TNS3: variants seen among roughly 807,000 people sequenced by gnomAD.
TNS3 encodes tensin 3, also known as tensin-3.
Under a neutral mutation model 140.9 loss-of-function variants are expected in TNS3, and 45 were observed. The ratio of observed to expected loss-of-function variants is 0.32; its 90% CI spans 0.25 to 0.41. The LOEUF is 0.41. Among genes scored for constraint, TNS3 ranks in the 10% least tolerant of loss-of-function variants. The pLI, the probability that TNS3 is intolerant of heterozygous loss-of-function variation, is 1.00. For missense variants in TNS3, 1,716 were observed against 1,906.7 expected, an observed-to-expected ratio of 0.90 and a Z score of 1.86; for synonymous variants, 815 against 788.4, an observed-to-expected ratio of 1.03 and a Z score of -0.56.
intron 20 of TNS3, among the ~76,000 whole-genome samples, chr7:47,311,310 C>T (rs901431002): frequency 1.8e-4 from 27 of 151,966 alleles, no homozygotes; most frequent in African/African-American, 5.8e-4. Context: ...ATGTAAATGA[C>T]GAGTTAATGG....
chr7:47,451,488 G>A (rs1312268885), intron 4 of TNS3, among the ~76,000 whole-genome samples: 1 of 152,126 alleles, frequency 6.6e-6, no homozygotes, highest in African/African-American at 2.4e-5. Context: ...GGCTAAGGCA[G>A]GAAAATCGCT....
At chr7:47,509,711 C>A (rs1198293374) in intron 2 of TNS3, among the ~76,000 whole-genome samples, 2 of 152,082 alleles carry the variant, frequency 1.3e-5, no homozygotes, top group African/African-American at 2.4e-5. Context: ...GCCTGCCCTA[C>A]CCCTGCCTGC....
chr7:47,323,351 G>A (rs140441170), intron 20 of TNS3, among the ~76,000 whole-genome samples: 2 of 152,314 alleles, frequency 1.3e-5, no homozygotes, highest in African/African-American at 4.8e-5. Flanking sequence ...ACTGTCAACT[G>A]TGAATTCTAT....
chr7:47,400,808 T>G lies in TNS3; in HGVS notation c.830A>C (p.Glu277Ala). ...ACCTTTGCTGGCATTGTCCAGATCC[T>G]CCTTCCCAAACACCAGCCCGTAGCC... ...VQGYGLVFGK[E>A]DLDNASKDDR... is the part of the protein sequence containing the mutation. Residue 277 changes from glutamate to alanine, a missense_variant, in exon 14 of 31, where the codon GAG becomes GCG. Physicochemically the swap from Glu to Ala is moderately radical, Grantham distance 107 (BLOSUM62 -1). Around this residue, in one of 3 missense-constraint regions of TNS3, gnomAD observed 337 missense variants for 428.9 expected, o/e 0.79. Coordinates refer to ENST00000311160, the MANE Select transcript of TNS3 (RefSeq NM_022748.12). 6.2e-7 allele frequency: 1 copy of G among 1,614,204 alleles called. No individual in the cohort carries two copies. Among genetic ancestry groups the G allele is most frequent in the East Asian group, 2.2e-5 (1 of 44,878 alleles).
intron 20 of TNS3, among the ~76,000 whole-genome samples, chr7:47,329,577 A>G (rs1435588378): frequency 6.6e-6 from 1 of 152,214 alleles, no homozygotes; most frequent in African/African-American, 2.4e-5. Context: ...CCTTCCTCCC[A>G]AAGGTCTGAG....
At chr7:47,486,032 G>A (rs929478281) in intron 3 of TNS3, among the ~76,000 whole-genome samples, 15 of 151,686 alleles carry the variant, frequency 9.9e-5, no homozygotes, top group African/African-American at 3.6e-4. Flanking sequence ...GTGTGGGGGT[G>A]AGTGCAGGTG....
chr7:47,458,668 C>T (rs1439878226), intron 4 of TNS3, among the ~76,000 whole-genome samples: 2 of 152,172 alleles, frequency 1.3e-5, no homozygotes, highest in Non-Finnish European at 1.5e-5. Context: ...ACAAGCAGTC[C>T]CCCCATCCCT....
intron 2 of TNS3, among the ~76,000 whole-genome samples, chr7:47,511,607 C>A (rs1412170074): frequency 6.6e-6 from 1 of 151,804 alleles, no homozygotes; most frequent in Non-Finnish European, 1.5e-5. Flanking sequence ...AGACCCGCAG[C>A]GCGAGGGCAA....
chr7:47,582,400 G>A (rs1465233909), upstream of TNS3: 1 of 456,314 alleles, frequency 2.2e-6, no homozygotes, highest in Non-Finnish European at 4.4e-6. Context: ...GAGGCTTGCA[G>A]GTTCCGCCGG....
chr7:47,308,225 C>T (rs922666334), intron 20 of TNS3, among the ~76,000 whole-genome samples: 7 of 152,106 alleles, frequency 4.6e-5, no homozygotes, highest in African/African-American at 1.7e-4. Context: ...CATTGAATTG[C>T]TTTTGTAATT....
chr7:47,309,570 T>C (rs185422700), intron 20 of TNS3, among the ~76,000 whole-genome samples: 12 of 152,216 alleles, frequency 7.9e-5, no homozygotes, highest in African/African-American at 2.7e-4. Flanking sequence ...AGAGGGTTCA[T>C]TAGTAGGCTA....
At chr7:47,346,148 G>C in intron 18 of TNS3, 39 bp downstream of exon 18, 1 of 1,606,520 alleles carries the variant, frequency 6.2e-7, no homozygotes, top group Non-Finnish European at 8.5e-7. Flanking sequence ...AAAGGGAGTG[G>C]AATGGGCCCA....
intron 20 of TNS3, among the ~76,000 whole-genome samples, chr7:47,319,186 T>C (rs1324230353): frequency 6.6e-6 from 1 of 151,964 alleles, no homozygotes; most frequent in Non-Finnish European, 1.5e-5. Context: ...TAAAAAGAGG[T>C]TTATTTGGCT....
chr7:47,581,925 C>G (rs1325194303), intron 1 of TNS3, 126 bp downstream of exon 1: 1 of 152,426 alleles, frequency 6.6e-6, no homozygotes, highest in Non-Finnish European at 1.5e-5. Context: ...TCCCCGCGCC[C>G]CAGCTCCAGA....
intron 20 of TNS3, among the ~76,000 whole-genome samples, chr7:47,309,223 C>A (rs1289720301): frequency 6.6e-6 from 1 of 152,122 alleles, no homozygotes; most frequent in Non-Finnish European, 1.5e-5. Flanking sequence ...GATAATAAAT[C>A]AAGTCTCTGT....
chr7:47,539,975 C>T (rs1452009587), intron 1 of TNS3, among the ~76,000 whole-genome samples: 1 of 152,164 alleles, frequency 6.6e-6, no homozygotes, highest in African/African-American at 2.4e-5. Flanking sequence ...GGCACAGACT[C>T]CTCCAGGCAC....
At chr7:47,343,280 C>T (rs1309896089) in intron 20 of TNS3, among the ~76,000 whole-genome samples, 5 of 152,246 alleles carry the variant, frequency 3.3e-5, no homozygotes, top group Non-Finnish European at 7.3e-5. Flanking sequence ...AGCACCCAGG[C>T]TTCCTGCAGC....
chr7:47,381,066 C>G (rs1791727568), intron 16 of TNS3, among the ~76,000 whole-genome samples: 1 of 152,216 alleles, frequency 6.6e-6, no homozygotes, highest in African/African-American at 2.4e-5. Context: ...GAAATTTGAA[C>G]TCCAGAGGCT....
chr7:47,407,664 A>C lies in TNS3; in HGVS notation c.723+4063T>G, dbSNP rs937052935. ...CACTTCAGCATAGGGCTGTGTTTGG[A>C]GATGGGGTCTTCACAAAGGTAAATT... On this transcript the variant is annotated intron_variant, in intron 13 of 30. Coordinates refer to ENST00000311160, the MANE Select transcript of TNS3 (RefSeq NM_022748.12). The surrounding 1 kb of genome is among the most constrained non-coding windows in gnomAD (Gnocchi z 4.1). 6.6e-6 allele frequency among the ~76,000 whole-genome samples: 1 copy of C among 152,202 alleles called. No homozygotes were observed. The highest frequency in any genetic ancestry group is 1.5e-5 in the Non-Finnish European group (1 of 68,024).
Sources: gnomAD v4.1 joint callset for allele counts (sites outside exome capture counted in the v4.1 genomes callset) on GRCh38, gnomAD v4.1.1 for gene constraint, gnomAD v4.1.1 regional missense constraint, Gnocchi (gnomAD v3.1) non-coding constraint, MANE v1.5 for transcripts, NCBI Gene and HGNC (gene_info 2026-07-23, HGNC 2026-07-21) for gene names.